SCAI: variants seen among roughly 807,000 people sequenced by gnomAD.
SCAI encodes suppressor of cancer cell invasion, also known as protein SCAI.
SCAI carries 24 observed loss-of-function variants against 92.2 expected under a neutral mutation model. The ratio of observed to expected loss-of-function variants is 0.26; its 90% CI spans 0.19 to 0.37. The LOEUF is 0.37. Among genes scored for constraint, SCAI ranks in the 10% least tolerant of loss-of-function variants. SCAI has a pLI of 1.00. For synonymous variants in SCAI, 261 were observed against 258.6 expected, an observed-to-expected ratio of 1.01 and a Z score of -0.09; for missense variants, 450 against 736.2, an observed-to-expected ratio of 0.61 and a Z score of 4.50.
Position 125,061,445 on chromosome 9 carries a change from T to C in SCAI, c.99-5438A>G, listed in dbSNP as rs115007671. Among the ~76,000 whole-genome samples the C allele has an allele frequency of 8.1e-3, 1,233 of 152,108 alleles. 21 individuals carry two copies. Among genetic ancestry groups the C allele is most frequent in the African/African-American group, 0.028 (1,153 of 41,514 alleles). ...ATGGTAATAGTTTTGGACAAAGTAA[T>C]ATAAAACCTAAACTTAAAAAAATAT... On this transcript the variant is annotated intron_variant, in intron 2 of 17. Transcript: ENST00000336505.
rs769354464 is a variant in SCAI at position 124,971,741 on chromosome 9, T to C, written c.1503A>G (p.Glu501=). The change falls in exon 16 of 18, where the codon GAA becomes GAG. Residue 501 remains glutamate, a synonymous_variant. Transcript: ENST00000336505. Reference sequence around the variant, plus strand: ...TTTTTCGAAGATATTCTTGACACTTTTCCCATAGGCCTCTGCGCATGCTTG... The same window carrying C: ...TTTTTCGAAGATATTCTTGACACTTCTCCCATAGGCCTCTGCGCATGCTTG... The part of the protein sequence containing the change: ...GLSSMRRGLW[E]KCQEYLRKIN... 6.2e-6 allele frequency: 10 copies of C among 1,612,536 alleles called. No homozygotes were observed. The highest frequency in any genetic ancestry group is 7.6e-6 in the Non-Finnish European group (9 of 1,179,682).
At chr9:125,063,065 A>T (rs577948341) in intron 2 of SCAI, among the ~76,000 whole-genome samples, 1 of 150,124 alleles carries the variant, frequency 6.7e-6, no homozygotes, top group Admixed American at 6.7e-5. Flanking sequence ...AGTACTAATG[A>T]AGTCAAATAA....
At chr9:125,063,956 A>G (rs1339195275) in intron 2 of SCAI, among the ~76,000 whole-genome samples, 1 of 151,992 alleles carries the variant, frequency 6.6e-6, no homozygotes, top group African/African-American at 2.4e-5. Flanking sequence ...GTTTCACCAT[A>G]TTGGCCAGGC....
intron 9 of SCAI, among the ~76,000 whole-genome samples, chr9:125,007,980 G>A (rs1832547917): frequency 6.6e-6 from 1 of 151,886 alleles, no homozygotes; most frequent in Non-Finnish European, 1.5e-5. Flanking sequence ...GGAGTAGCTG[G>A]GACTACAGGC....
chr9:124,947,685 C>T lies in SCAI; in HGVS notation c.*5122G>A, dbSNP rs1339120193. The T allele has an allele frequency of 6.6e-6, 1 of 152,096 alleles. No homozygotes were observed. The highest frequency in any genetic ancestry group is 6.5e-5 in the Admixed American group (1 of 15,276). 9.4% of individuals were successfully genotyped at this position (152,096 alleles called of 1,614,324 possible). The stretch of plus-strand genomic sequence containing the variant: ...TATACACAGAGATTGCATGTAGCAT[C>T]ACAAAAATATACATATGCCATTACA... On this transcript the variant is annotated 3_prime_UTR_variant, in exon 18 of 18. Transcript: ENST00000336505.
intron 3 of SCAI, among the ~76,000 whole-genome samples, chr9:125,044,851 C>T (rs1244879440): frequency 6.6e-6 from 1 of 152,184 alleles, no homozygotes; most frequent in Admixed American, 6.5e-5. Flanking sequence ...CCATGTTCCC[C>T]TCGTCCAGAT....
intron 2 of SCAI, among the ~76,000 whole-genome samples, chr9:125,058,493 C>T (rs1020734076): frequency 1.3e-5 from 2 of 152,038 alleles, no homozygotes; most frequent in Non-Finnish European, 2.9e-5. Context: ...TCAGCCTGGG[C>T]GACAGAACGA....
At chr9:124,962,133 C>A (rs770160079) in intron 17 of SCAI, among the ~76,000 whole-genome samples, 1 of 141,558 alleles carries the variant, frequency 7.1e-6, no homozygotes, top group Non-Finnish European at 1.5e-5. Flanking sequence ...TGCTTTTTCT[C>A]AAATCATAAT....
chr9:125,129,854 C>T (rs1210151250), intron 2 of SCAI, among the ~76,000 whole-genome samples: 1 of 151,922 alleles, frequency 6.6e-6, no homozygotes, highest in Non-Finnish European at 1.5e-5. Flanking sequence ...AAAAGAGAAG[C>T]TTTAATGAAA....
intron 3 of SCAI, among the ~76,000 whole-genome samples, chr9:125,034,790 A>T (rs1308891381): frequency 1.3e-5 from 2 of 152,044 alleles, no homozygotes; most frequent in African/African-American, 4.8e-5. Flanking sequence ...AAAAAGAGTG[A>T]TCCATTTGAG....
chr9:124,989,713 G>A (rs1045256082), intron 14 of SCAI, among the ~76,000 whole-genome samples: 2 of 150,894 alleles, frequency 1.3e-5, no homozygotes, highest in African/African-American at 4.9e-5. Flanking sequence ...GAGAAACCCC[G>A]TTTCTACTAA....
intron 3 of SCAI, among the ~76,000 whole-genome samples, chr9:125,048,558 GAGAAGA>G (rs1198611198): frequency 6.6e-6 from 1 of 151,624 alleles, no homozygotes; most frequent in Non-Finnish European, 1.5e-5. Flanking sequence ...AAGAAGAAAA[GAGAAGA>G]AGAAGAAGAA....
chr9:125,117,311 ACTC>A (rs1835064601), intron 2 of SCAI, among the ~76,000 whole-genome samples: 1 of 152,122 alleles, frequency 6.6e-6, no homozygotes, highest in Admixed American at 6.5e-5. Context: ...ACTGAAAACA[ACTC>A]CTTTTACCTG....
At chr9:125,024,679 G>A (rs1832934835) in intron 6 of SCAI, among the ~76,000 whole-genome samples, 1 of 152,078 alleles carries the variant, frequency 6.6e-6, no homozygotes, top group Non-Finnish European at 1.5e-5. Context: ...CTATACATTT[G>A]CCTAGGAAAC....
At chr9:125,016,385 C>CTAAA (rs1325681833) in intron 9 of SCAI, among the ~76,000 whole-genome samples, 1 of 46,700 alleles carries the variant, frequency 2.1e-5, no homozygotes, top group Non-Finnish European at 4.3e-5. Flanking sequence ...AAGACTCTGT[C>CTAAA]TCAATAAATA....
At chr9:125,113,858 A>T (rs553779977) in intron 2 of SCAI, among the ~76,000 whole-genome samples, 3 of 152,164 alleles carry the variant, frequency 2.0e-5, no homozygotes, top group Admixed American at 6.6e-5. Context: ...GCTACTTGGG[A>T]GGATGAGGCG....
chr9:124,971,742 T>A lies in SCAI; in HGVS notation c.1502A>T (p.Glu501Val). The A allele has an allele frequency of 6.2e-7, 1 of 1,612,452 alleles. No homozygotes were observed. The highest frequency in any genetic ancestry group is 2.2e-5 in the East Asian group (1 of 44,844). The part of the protein sequence containing the change: ...GLSSMRRGLW[E>V]KCQEYLRKIN... Reference sequence around the variant, plus strand: ...TTTTCGAAGATATTCTTGACACTTTTCCCATAGGCCTCTGCGCATGCTTGA... The same window carrying A: ...TTTTCGAAGATATTCTTGACACTTTACCCATAGGCCTCTGCGCATGCTTGA... The change falls in exon 16 of 18, where the codon GAA becomes GTA. Residue 501 changes from glutamate to valine, a missense_variant. Around this residue, in one of 3 missense-constraint regions of SCAI, gnomAD observed 360 missense variants for 601.8 expected, o/e 0.60. Coordinates refer to ENST00000336505, the MANE Select transcript of SCAI (RefSeq NM_001144877.3).
intron 2 of SCAI, among the ~76,000 whole-genome samples, chr9:125,096,513 G>A (rs902851789): frequency 3.9e-5 from 6 of 152,136 alleles, no homozygotes; most frequent in African/African-American, 1.4e-4. Flanking sequence ...ACAACTCTTA[G>A]GTATAAGCTC....
intron 3 of SCAI, 47 bp downstream of exon 3, chr9:125,055,824 AAAAAC>A: frequency 6.7e-7 from 1 of 1,501,670 alleles, no homozygotes; most frequent in Non-Finnish European, 8.9e-7. Context: ...CAGCCAGAAA[AAAAAC>A]AAATGCAGAA....
Sources: gnomAD v4.1 joint callset for allele counts (sites outside exome capture counted in the v4.1 genomes callset) on GRCh38, gnomAD v4.1.1 for gene constraint, gnomAD v4.1.1 regional missense constraint, MANE v1.5 for transcripts, NCBI Gene and HGNC (gene_info 2026-07-23, HGNC 2026-07-21) for gene names.